Variants in RAB38 observed in about 807,000 individuals in gnomAD.
The protein encoded by RAB38 is RAB38, member RAS oncogene family.
In RAB38, 15 loss-of-function variants were observed where a neutral mutation model predicts 18.4. The ratio of observed to expected loss-of-function variants is 0.82; its 90% CI spans 0.55 to 1.26. The LOEUF (loss-of-function observed/expected upper bound fraction) is 1.26. Ranked by LOEUF, RAB38 falls within the 50% of genes most tolerant of loss-of-function variation. The pLI is 0.00. For synonymous variants in RAB38, 101 were observed against 104.4 expected, an observed-to-expected ratio of 0.97 and a Z score of 0.20; for missense variants, 294 against 267.4, an observed-to-expected ratio of 1.10 and a Z score of -0.69.
chr11:87,876,880 T>A, the RAB38 span, among the ~76,000 whole-genome samples: 1 of 151,572 alleles, frequency 6.6e-6, no homozygotes. Flanking sequence ...AGCTGAAGTG[T>A]TCTTATAGTA....
the RAB38 span, among the ~76,000 whole-genome samples, chr11:87,936,429 A>G: frequency 6.6e-6 from 1 of 152,052 alleles, no homozygotes; most frequent in Non-Finnish European, 1.5e-5. Context: ...TTGCTTTTGC[A>G]CCTTTGTCAA....
At chr11:87,908,783 G>C in the RAB38 span, among the ~76,000 whole-genome samples, 1 of 151,962 alleles carries the variant, frequency 6.6e-6, no homozygotes, top group Admixed American at 6.6e-5. Context: ...GGCAGATAAT[G>C]AGTTTCTTAC....
At chr11:88,004,158 C>T in the RAB38 span, among the ~76,000 whole-genome samples, 42 of 148,860 alleles carry the variant, frequency 2.8e-4, no homozygotes, top group East Asian at 1.8e-3. Context: ...ACTTATAGAA[C>T]AATTGCCTCA....
chr11:87,918,562 A>G, the RAB38 span, among the ~76,000 whole-genome samples: 1 of 152,040 alleles, frequency 6.6e-6, no homozygotes, highest in Non-Finnish European at 1.5e-5. Context: ...GTCACATAAG[A>G]CCAAAGCCAT....
the RAB38 span, among the ~76,000 whole-genome samples, chr11:88,055,439 C>T: frequency 2.1e-4 from 32 of 152,234 alleles, no homozygotes; most frequent in South Asian, 5.4e-3. Context: ...ATGGCTGCCA[C>T]TAAAATGTTC....
At chr11:87,832,902 G>T in the RAB38 span, among the ~76,000 whole-genome samples, 1 of 151,960 alleles carries the variant, frequency 6.6e-6, no homozygotes, top group African/African-American at 2.4e-5. Flanking sequence ...AGTGGGGGGT[G>T]GGGGGACGGA....
the RAB38 span, among the ~76,000 whole-genome samples, chr11:88,019,357 G>A: frequency 6.6e-6 from 1 of 151,840 alleles, no homozygotes; most frequent in African/African-American, 2.4e-5. Context: ...CATCCTCTCA[G>A]CTTTCTCTGT....
chr11:88,113,885 C>A lies in RAB38; in HGVS notation c.*103G>T. 1 of 1,376,784 alleles carries A rather than the reference C, an allele frequency of 7.3e-7. No homozygotes were observed. The highest frequency in any genetic ancestry group is 1.4e-5 in the African/African-American group (1 of 69,322). 85.3% of individuals were successfully genotyped at this position (1,376,784 alleles called of 1,614,324 possible). The stretch of plus-strand genomic sequence containing the variant: ...AGAGGCATAGATCTTTGGCTTGCCA[C>A]ATGTGGTATCTCTATCCTGACGTTT... On this transcript the variant is annotated 3_prime_UTR_variant, in exon 3 of 3. Transcript: ENST00000243662.
the RAB38 span, among the ~76,000 whole-genome samples, chr11:87,961,093 A>G: frequency 1.3e-5 from 2 of 152,050 alleles, no homozygotes; most frequent in African/African-American, 4.8e-5. Flanking sequence ...AATAAAATAA[A>G]ATTTTCAAGT....
At chr11:87,913,211 G>A in the RAB38 span, among the ~76,000 whole-genome samples, 1 of 152,028 alleles carries the variant, frequency 6.6e-6, no homozygotes, top group Admixed American at 6.5e-5. Flanking sequence ...AGCCGTTCAA[G>A]TTGGTTTATG....
rs769998112 is a variant in RAB38 at position 88,149,894 on chromosome 11, A to G, written c.264T>C (p.Ile88=). 6.2e-7 allele frequency: 1 copy of G among 1,613,986 alleles called. No homozygotes were observed. The highest frequency in any genetic ancestry group is 8.5e-7 in the Non-Finnish European group (1 of 1,179,990). ...TGGCTGGCCTGGTGACATCGAAGACAATAAATGCACCCATAGCTTCTCGGT... is the reference window on the plus strand; with the variant it reads ...TGGCTGGCCTGGTGACATCGAAGACGATAAATGCACCCATAGCTTCTCGGT... The part of the protein sequence containing the change: ...VYYREAMGAF[I]VFDVTRPATF... Residue 88 remains isoleucine (I), a synonymous_variant, in exon 2 of 3, where the codon ATT becomes ATC. Transcript: ENST00000243662.
the RAB38 span, among the ~76,000 whole-genome samples, chr11:87,926,668 G>C: frequency 6.6e-6 from 1 of 152,148 alleles, no homozygotes; most frequent in African/African-American, 2.4e-5. Context: ...TAAGCTGGCA[G>C]GTGACAGTCT....
the RAB38 span, among the ~76,000 whole-genome samples, chr11:87,977,706 TTA>T: frequency 3.1e-4 from 32 of 104,180 alleles, 1 homozygote; most frequent in African/African-American, 1.2e-3. Context: ...TAGGGATATA[TTA>T]TATATTTATA....
chr11:87,951,968 G>A, the RAB38 span, among the ~76,000 whole-genome samples: 252 of 152,176 alleles, frequency 1.7e-3, no homozygotes, highest in Middle Eastern at 3.4e-3. Flanking sequence ...TGTTGCTCAC[G>A]CTGGGAGCTG....
the RAB38 span, among the ~76,000 whole-genome samples, chr11:88,039,993 G>C: frequency 2.0e-5 from 3 of 152,176 alleles, no homozygotes; most frequent in African/African-American, 7.2e-5. Flanking sequence ...TTTGCTCATG[G>C]CCAGATCTGA....
At chr11:88,024,685 T>C in the RAB38 span, among the ~76,000 whole-genome samples, 1 of 152,182 alleles carries the variant, frequency 6.6e-6, no homozygotes, top group Non-Finnish European at 1.5e-5. Context: ...TGTAGTACTA[T>C]TCAGCTATAA....
the RAB38 span, among the ~76,000 whole-genome samples, chr11:87,887,880 C>A: frequency 1.3e-5 from 2 of 151,724 alleles, no homozygotes; most frequent in African/African-American, 2.4e-5. Flanking sequence ...ATAAGAAAAA[C>A]CAGTTTGACT....
At chr11:88,079,557 T>C in the RAB38 span, among the ~76,000 whole-genome samples, 1 of 151,794 alleles carries the variant, frequency 6.6e-6, no homozygotes, top group African/African-American at 2.4e-5. Context: ...CCTGATATTA[T>C]GAAACCATCA....
chr11:87,976,601 A>C, the RAB38 span, among the ~76,000 whole-genome samples: 1 of 44,670 alleles, frequency 2.2e-5, no homozygotes, highest in South Asian at 6.6e-4. Flanking sequence ...TACTGTCTAT[A>C]AATACATATT....
Sources: gnomAD v4.1 joint callset for allele counts (sites outside exome capture counted in the v4.1 genomes callset) on GRCh38, gnomAD v4.1.1 for gene constraint, MANE v1.5 for transcripts, NCBI Gene and HGNC (gene_info 2026-07-23, HGNC 2026-07-21) for gene names.